The following MRPL21 variants were observed in gnomAD, a reference collection of about 807,000 sequenced individuals.
The protein encoded by MRPL21 is mitochondrial ribosomal protein L21, also known as large ribosomal subunit protein bL21m.
MRPL21 carries 20 observed loss-of-function variants against 27.3 expected under a neutral mutation model. That is an observed-to-expected ratio of 0.73 (90% confidence interval 0.52 to 1.06). The LOEUF (loss-of-function observed/expected upper bound fraction) is 1.06. MRPL21 is among the 50% of genes least tolerant of loss of function. MRPL21 has a pLI of 0.00. For missense variants in MRPL21, 249 were observed against 251.4 expected (o/e 0.99, Z 0.06); for synonymous variants, 98 against 101.5 (o/e 0.97, Z 0.21).
At chr11:68,898,061 G>T in intron 2 of MRPL21, 49 bp from the exon 3 acceptor site, 1 of 1,453,624 alleles carries the variant, frequency 6.9e-7, no homozygotes, top group Non-Finnish European at 9.7e-7. Flanking sequence ...TGAAAAGGCA[G>T]CTCAAATCCT....
At chr11:68,901,822 C>G (rs1013017783) in intron 1 of MRPL21, among the ~76,000 whole-genome samples, 3 of 152,190 alleles carry the variant, frequency 2.0e-5, no homozygotes, top group Non-Finnish European at 4.4e-5. Context: ...ACGAGCACCT[C>G]ACACCTCCAG....
intron 4 of MRPL21, among the ~76,000 whole-genome samples, chr11:68,894,547 G>C (rs1857738549): frequency 6.6e-6 from 1 of 152,294 alleles, no homozygotes; most frequent in African/African-American, 2.4e-5. Context: ...TTCCCAAAGT[G>C]CTGGGATAAC....
At position 68,892,896 on chromosome 11, in the gene MRPL21, T is replaced by A; in HGVS notation, c.547A>T (p.Lys183Ter). 1 of 1,612,178 alleles carries A rather than the reference T, an allele frequency of 6.2e-7. No homozygotes were observed. Among genetic ancestry groups the A allele is most frequent in the Non-Finnish European group, 8.5e-7 (1 of 1,178,802 alleles). ...GGTACTTTCTCTAACTTACTTCTTT[T>A]CTTCTTGAAGTTTTTCCTTTTCCTG... Reference protein sequence around the residue: ...RFRKRKNFKKKRIVTTPQTVL... With the variant: ...RFRKRKNFKK Residue 183 changes from lysine (K) to a stop codon, truncating the protein, a stop_gained, in exon 6 of 7, where the codon AAA (lysine) becomes TAA (stop). Transcript: ENST00000362034. LOFTEE classifies it high-confidence loss of function.
chr11:68,903,398 G>A (rs1566420209), intron 1 of MRPL21, among the ~76,000 whole-genome samples: 1 of 152,174 alleles, frequency 6.6e-6, no homozygotes, highest in Non-Finnish European at 1.5e-5. Context: ...CTTTGGAGCC[G>A]AAATGACTGC....
Position 68,896,542 on chromosome 11 carries a change from C to G in MRPL21, c.369G>C (p.Ala123=). 6.2e-7 allele frequency: 1 copy of G among 1,614,256 alleles called. No homozygotes were observed. The highest frequency in any genetic ancestry group is 8.5e-7 in the Non-Finnish European group (1 of 1,180,052). ...TCTCCAGTCGAATTCTCTCTCCACA[C>G]GCAAGGTCTAGTTCATTTCCAATTA... ...LILIGNELDL[A]CGERIRLEKV... Residue 123 remains alanine, a synonymous_variant, in exon 4 of 7, where the codon GCG becomes GCC. Coordinates refer to ENST00000362034, the MANE Select transcript of MRPL21 (RefSeq NM_181514.2).
chr11:68,895,462 C>CA (rs1199831585), intron 4 of MRPL21, among the ~76,000 whole-genome samples: 1 of 151,938 alleles, frequency 6.6e-6, no homozygotes, highest in Non-Finnish European at 1.5e-5. Flanking sequence ...CCAGCCTGAC[C>CA]AATATGGTGA....
chr11:68,898,856 C>T (rs1857866781), intron 2 of MRPL21, among the ~76,000 whole-genome samples: 1 of 152,122 alleles, frequency 6.6e-6, no homozygotes, highest in African/African-American at 2.4e-5. Context: ...GGCATGATCT[C>T]AGCTCACTGC....
intron 5 of MRPL21, 148 bp downstream of exon 5, chr11:68,893,255 T>G (rs1198539966): frequency 1.1e-5 from 16 of 1,466,730 alleles, no homozygotes; most frequent in Non-Finnish European, 9.0e-6. Flanking sequence ...GGGCCCTAAA[T>G]GTCCACTATT....
rs1857843632 is a variant in MRPL21, at chr11:68,898,021, C to T, written c.147-9G>A. On this transcript the variant is annotated splice_polypyrimidine_tract_variant and intron_variant, in intron 2 of 6. Coordinates refer to ENST00000362034, the MANE Select transcript of MRPL21 (RefSeq NM_181514.2). ...ATGTTTTAGGAACATATCTGTAAAA[C>T]ACATTTCGTAGACAAATGTCACAAG... 6.2e-7 allele frequency: 1 copy of T among 1,610,768 alleles called. No individual in the cohort carries two copies.
chr11:68,893,120 G>C (rs1311122992), intron 5 of MRPL21, 127 bp from the exon 6 acceptor site: 1 of 1,340,796 alleles, frequency 7.5e-7, no homozygotes, highest in Non-Finnish European at 9.9e-7. Flanking sequence ...GCCCTCAATG[G>C]AAACATTTTG....
intron 2 of MRPL21, among the ~76,000 whole-genome samples, chr11:68,898,773 C>T (rs1014184940): frequency 6.6e-6 from 1 of 152,154 alleles, no homozygotes; most frequent in Non-Finnish European, 1.5e-5. Flanking sequence ...CCTCAGGATG[C>T]CAAGCTTGGT....
chr11:68,903,416 G>GTAC (rs1245050615), intron 1 of MRPL21, among the ~76,000 whole-genome samples: 3 of 152,186 alleles, frequency 2.0e-5, no homozygotes, highest in Non-Finnish European at 4.4e-5. Context: ...TGCGCCTGAA[G>GTAC]TACTCTTCTT....
chr11:68,903,796 G>A lies in MRPL21; in HGVS notation c.15C>T (p.Ser5=). 6.7e-7 allele frequency: 1 copy of A among 1,502,348 alleles called. No homozygotes were observed. Among genetic ancestry groups the A allele is most frequent in the Non-Finnish European group, 9.1e-7 (1 of 1,100,994 alleles). The allele number at this position is 1,502,348 out of a possible 1,614,324, so 93.1% of individuals were successfully genotyped here. Residue 5 remains serine, a synonymous_variant, in exon 1 of 7, where the codon TCC becomes TCT. Coordinates refer to ENST00000362034, the MANE Select transcript of MRPL21 (RefSeq NM_181514.2). Reference sequence around the variant, plus strand: ...CCAGCCGCCCTAAGGTGACCGTCAGGGAAGATGCTGCCATGGCCGCAGCCT... The same window carrying A: ...CCAGCCGCCCTAAGGTGACCGTCAGAGAAGATGCTGCCATGGCCGCAGCCT... The part of the protein sequence containing the change: MAAS[S]LTVTLGRLAS...
chr11:68,897,753 T>C (rs961440788), intron 3 of MRPL21, 174 bp downstream of exon 3: 2 of 599,032 alleles, frequency 3.3e-6, no homozygotes, highest in Non-Finnish European at 6.1e-6. Context: ...ATGAAAAACA[T>C]CTGAAATTCT....
At position 68,897,942 on chromosome 11, in the gene MRPL21, T is replaced by G. The variant is rs371624461; in HGVS notation, c.217A>C (p.Thr73Pro). ...GAGGTCTTACCTGCATGGTGTCTGG[T>G]CTCCTCAACTGGGTCTGGCAGAACA... ...EVVLPDPVEE[T>P]RHHAEVVKKV... is the part of the protein sequence containing the mutation. Residue 73 changes from threonine (T) to proline (P), a missense_variant, in exon 3 of 7, where the codon ACC (threonine) becomes CCC (proline). Coordinates refer to ENST00000362034, the MANE Select transcript of MRPL21 (RefSeq NM_181514.2). The G allele has an allele frequency of 6.2e-7, 1 of 1,613,868 alleles. No homozygotes were observed. Among genetic ancestry groups the G allele is most frequent in the Non-Finnish European group, 8.5e-7 (1 of 1,179,936 alleles).
intron 2 of MRPL21, among the ~76,000 whole-genome samples, chr11:68,898,626 G>A (rs886197741): frequency 1.3e-5 from 2 of 152,216 alleles, no homozygotes; most frequent in South Asian, 2.1e-4. Context: ...ACAAGCACCC[G>A]CCTGAAAGGG....
chr11:68,902,616 A>G (rs997919774), intron 1 of MRPL21, among the ~76,000 whole-genome samples: 2 of 152,208 alleles, frequency 1.3e-5, no homozygotes, highest in Non-Finnish European at 2.9e-5. Flanking sequence ...GAGTGGTACA[A>G]TCTTTACAAT....
intron 2 of MRPL21, among the ~76,000 whole-genome samples, chr11:68,899,234 G>A (rs1199240293): frequency 6.6e-6 from 1 of 152,210 alleles, no homozygotes; most frequent in Non-Finnish European, 1.5e-5. Flanking sequence ...GGGAGGGTAG[G>A]TAGATCCCAA....
chr11:68,901,076 C>T (rs1295883182), intron 1 of MRPL21, among the ~76,000 whole-genome samples: 1 of 152,186 alleles, frequency 6.6e-6, no homozygotes, highest in Non-Finnish European at 1.5e-5. Flanking sequence ...GATGCCTGTG[C>T]TCACCCTTTC....
Sources: allele counts gnomAD v4.1 joint callset (sites outside exome capture counted in the v4.1 genomes callset), GRCh38; gene constraint gnomAD v4.1.1; transcripts MANE v1.5; gene names NCBI Gene and HGNC (gene_info 2026-07-23, HGNC 2026-07-21).